The following SRRM3 variants were observed in gnomAD, a reference collection of about 807,000 sequenced individuals.
SRRM3 encodes serine/arginine repetitive matrix 3, also known as serine/arginine repetitive matrix protein 3.
In SRRM3, 27 loss-of-function variants were observed where a neutral mutation model predicts 66.2. That is an observed-to-expected ratio of 0.41 (90% CI 0.30 to 0.56). The LOEUF (loss-of-function observed/expected upper bound fraction) is 0.56. SRRM3 is among the 20% of genes least tolerant of loss of function. The pLI is 0.32. For missense variants in SRRM3, 918 were observed against 991.9 expected, an observed-to-expected ratio of 0.93 and a Z score of 1.00; for synonymous variants, 391 against 414.9, an observed-to-expected ratio of 0.94 and a Z score of 0.70.
intron 2 of SRRM3, among the ~76,000 whole-genome samples, chr7:76,239,202 C>A (rs1472642183): frequency 6.7e-6 from 1 of 149,354 alleles, no homozygotes; most frequent in Non-Finnish European, 1.5e-5. Flanking sequence ...CCAGCTAATT[C>A]TTTGTATTTT....
chr7:76,234,971 G>A, intron 1 of SRRM3, 57 bp from the exon 2 acceptor site: 1 of 995,620 alleles, frequency 1.0e-6, no homozygotes, highest in Non-Finnish European at 1.4e-6. Context: ...GCAGAGAGGA[G>A]CTTAACAGGT....
chr7:76,243,711 G>A (rs1051388286), intron 2 of SRRM3, among the ~76,000 whole-genome samples: 2 of 152,124 alleles, frequency 1.3e-5, no homozygotes, highest in African/African-American at 2.4e-5. Context: ...CTCACCCTTA[G>A]GCCATCTCTT....
intron 11 of SRRM3, among the ~76,000 whole-genome samples, chr7:76,277,715 A>C (rs11533990): frequency 1.5e-5 from 1 of 65,712 alleles, no homozygotes; most frequent in Non-Finnish European, 2.9e-5. Context: ...ATAAACAACA[A>C]CAAAAAAAAA....
intron 11 of SRRM3, among the ~76,000 whole-genome samples, chr7:76,270,706 C>T (rs1180383216): frequency 5.3e-5 from 8 of 151,832 alleles, no homozygotes; most frequent in Non-Finnish European, 1.2e-4. Context: ...CTCAGCTACT[C>T]GGGAAGCTGA....
chr7:76,256,189 AT>A (rs1293346746), intron 3 of SRRM3, among the ~76,000 whole-genome samples: 2 of 152,164 alleles, frequency 1.3e-5, no homozygotes, highest in African/African-American at 4.8e-5. Context: ...AAGCAAGTTT[AT>A]TAAGAGAGTA....
At chr7:76,217,419 G>A (rs1400224750) in intron 1 of SRRM3, among the ~76,000 whole-genome samples, 1 of 152,118 alleles carries the variant, frequency 6.6e-6, no homozygotes, top group Non-Finnish European at 1.5e-5. Flanking sequence ...CGAGTAGCTG[G>A]AATTACAGGC....
At chr7:76,236,717 T>A (rs1484635865) in intron 2 of SRRM3, among the ~76,000 whole-genome samples, 1 of 152,146 alleles carries the variant, frequency 6.6e-6, no homozygotes, top group East Asian at 1.9e-4. Flanking sequence ...GAAGGGGTAA[T>A]GGGGACCTGA....
intron 3 of SRRM3, among the ~76,000 whole-genome samples, chr7:76,257,007 C>T (rs945106459): frequency 3.3e-5 from 5 of 152,122 alleles, no homozygotes; most frequent in African/African-American, 1.2e-4. Context: ...ACCCGCCAGG[C>T]CCTTGGCTGG....
At chr7:76,261,032 A>C in intron 6 of SRRM3, 129 bp downstream of exon 6, 1 of 1,009,440 alleles carries the variant, frequency 9.9e-7, no homozygotes. Flanking sequence ...GCCAAGGTGC[A>C]AGTTTTGCCC....
At position 76,262,461 on chromosome 7, in the gene SRRM3, T is replaced by C. The variant is rs575207124; in HGVS notation, c.674+880T>C. On this transcript the variant is annotated intron_variant, in intron 8 of 14. Transcript: ENST00000611745. ...GCGGAGGTTGCAGTGAGCCAAGAGA[T>C]TGCAGTGGAGTGCACAGCACTCCAG... 4.1e-5 allele frequency among the ~76,000 whole-genome samples: 6 copies of C among 144,714 alleles called. No individual in the cohort carries two copies. The East Asian group carries it at 1.1e-3, about 25-fold the overall frequency. 94.9% of individuals were successfully genotyped at this position (144,714 alleles called of 152,430 possible).
In SRRM3 at chr7:76,285,584, T is replaced by C; in HGVS notation, c.1734-31T>C. The C allele has an allele frequency of 6.5e-7, 1 of 1,529,826 alleles. No homozygotes were observed. Among genetic ancestry groups the C allele is most frequent in the Non-Finnish European group, 8.8e-7 (1 of 1,131,446 alleles). The allele number at this position is 1,529,826 out of a possible 1,614,324, so 94.8% of individuals were successfully genotyped here. ...CTGGGATGGGGCTCGGGGCCTGGGA[T>C]GGCCTGTAATCAGCTTTTTCTTCCC... On this transcript the variant is annotated intron_variant, in intron 14 of 14. Transcript: ENST00000611745. This position sits in a 1 kb window ranked among gnomAD's most constrained non-coding sequence, Gnocchi z 4.1.
chr7:76,225,443 C>A lies in SRRM3; in HGVS notation c.-39-9585C>A, dbSNP rs1268964891. Among the ~76,000 whole-genome samples, 3 of 152,136 alleles carry A rather than the reference C, an allele frequency of 2.0e-5. No individual in the cohort carries two copies. The East Asian group carries it at 5.8e-4, about 29-fold the overall frequency. The stretch of plus-strand genomic sequence containing the variant: ...CTGGCAAGGCCAGGAAAAAAAAGCC[C>A]CTAGAGGAACGGTGCTGCCCCCCTC... On this transcript the variant is annotated intron_variant, in intron 1 of 14. Coordinates refer to ENST00000611745, the MANE Select transcript of SRRM3 (RefSeq NM_001110199.3).
chr7:76,266,403 AATTTATATAT>A (rs1554609681), intron 10 of SRRM3, among the ~76,000 whole-genome samples: 3 of 112,280 alleles, frequency 2.7e-5, no homozygotes, highest in South Asian at 2.4e-4. Flanking sequence ...TATATATTTT[AATTTATATAT>A]ATTTATATAT....
chr7:76,263,266 C>T (rs1801926342), intron 8 of SRRM3, among the ~76,000 whole-genome samples: 1 of 152,236 alleles, frequency 6.6e-6, no homozygotes, highest in Non-Finnish European at 1.5e-5. Flanking sequence ...AACCCATAGC[C>T]TCCGGGCCTT....
At chr7:76,248,576 C>G (rs1801498001) in intron 3 of SRRM3, among the ~76,000 whole-genome samples, 1 of 152,188 alleles carries the variant, frequency 6.6e-6, no homozygotes, top group Non-Finnish European at 1.5e-5. Flanking sequence ...GATCTCAGCT[C>G]AGGGGATTCT....
At chr7:76,283,603 G>C (rs1308521344) in intron 14 of SRRM3, 1 of 475,416 alleles carries the variant, frequency 2.1e-6, no homozygotes, top group Middle Eastern at 3.2e-4. Flanking sequence ...AGATGCCCAA[G>C]TGAGCTGGTC....
intron 1 of SRRM3, among the ~76,000 whole-genome samples, chr7:76,225,147 G>A (rs1157134668): frequency 6.6e-6 from 1 of 152,178 alleles, no homozygotes; most frequent in East Asian, 1.9e-4. Context: ...GCTCGGAGAA[G>A]TTTAATGACT....
intron 1 of SRRM3, among the ~76,000 whole-genome samples, chr7:76,204,456 G>A (rs994721027): frequency 3.3e-5 from 5 of 152,194 alleles, no homozygotes; most frequent in Non-Finnish European, 7.3e-5. Context: ...GAAAAACAAG[G>A]CCTGAAGGTG....
chr7:76,264,747 G>A lies in SRRM3; in HGVS notation c.675-18G>A. The A allele has an allele frequency of 3.1e-6, 5 of 1,613,650 alleles. No homozygotes were observed. The highest frequency in any genetic ancestry group is 1.7e-6 in the Non-Finnish European group (2 of 1,179,796). The stretch of plus-strand genomic sequence containing the variant: ...CCTCCCCGGGCCACACCATCACTGT[G>A]GTCTCTGCTCTCTGCAGATCTCGAA... On this transcript the variant is annotated intron_variant, in intron 8 of 14. Transcript: ENST00000611745.
Sources: allele counts gnomAD v4.1 joint callset (sites outside exome capture counted in the v4.1 genomes callset), GRCh38; gene constraint gnomAD v4.1.1; non-coding constraint Gnocchi (gnomAD v3.1); transcripts MANE v1.5; gene names NCBI Gene and HGNC (gene_info 2026-07-23, HGNC 2026-07-21).